Variants in PPP3CB observed in about 807,000 individuals in gnomAD.
PPP3CB encodes serine/threonine-protein phosphatase 2B catalytic subunit beta isoform.
PPP3CB carries 8 observed loss-of-function variants against 66.4 expected under a neutral mutation model. The observed-to-expected ratio is 0.12, with a 90% confidence interval of 0.07 to 0.22. PPP3CB has a LOEUF of 0.22. PPP3CB is among the 10% of genes least tolerant of loss of function. The probability of loss-of-function intolerance (pLI) is 1.00; values close to 1 mark genes in which losing one functional copy is unlikely to be tolerated. For synonymous variants in PPP3CB, 208 were observed against 221.2 expected (o/e 0.94, Z 0.53); for missense variants, 319 against 642.5 (o/e 0.50, Z 5.44).
intron 11 of PPP3CB, among the ~76,000 whole-genome samples, chr10:73,445,504 C>A (rs1212515783): frequency 6.8e-6 from 1 of 146,894 alleles, no homozygotes; most frequent in Admixed American, 6.8e-5. Context: ...TGGAGTGCAG[C>A]GGCACAATCA....
intron 9 of PPP3CB, among the ~76,000 whole-genome samples, chr10:73,463,976 G>T (rs1003385528): frequency 6.6e-6 from 1 of 151,846 alleles, no homozygotes; most frequent in African/African-American, 2.4e-5. Context: ...TGTTGCCCAG[G>T]CTGGAGTGCA....
Position 73,479,321 on chromosome 10 carries a change from G to T in PPP3CB, c.282C>A (p.Ile94=). The change falls in exon 2 of 14, where the codon ATC becomes ATA. Residue 94 remains isoleucine, a synonymous_variant. Coordinates refer to ENST00000360663, the MANE Select transcript of PPP3CB (RefSeq NM_021132.4). ...CCAAAACATGAATAAGCTTACCTGTGATTGGAGCTTCTACTTCTATCATGG... is the reference window on the plus strand; with the variant it reads ...CCAAAACATGAATAAGCTTACCTGTTATTGGAGCTTCTACTTCTATCATGG... ...EKTMIEVEAP[I]TVCGDIHGQF... is the part of the protein sequence containing the mutation. The T allele has an allele frequency of 6.2e-7, 1 of 1,613,442 alleles. No individual in the cohort carries two copies. The highest frequency in any genetic ancestry group is 1.3e-5 in the African/African-American group (1 of 75,046).
chr10:73,450,449 G>T (rs555539451), intron 10 of PPP3CB, among the ~76,000 whole-genome samples: 1 of 152,084 alleles, frequency 6.6e-6, no homozygotes, highest in Non-Finnish European at 1.5e-5. Context: ...GTATCTATCC[G>T]AATCTCCTCC....
At chr10:73,444,587 T>C (rs1239941422) in intron 12 of PPP3CB, 138 bp downstream of exon 12, 4 of 1,552,324 alleles carry the variant, frequency 2.6e-6, no homozygotes, top group Non-Finnish European at 3.5e-6. Context: ...GCTAATACAG[T>C]ACCCTGTCTA....
intron 3 of PPP3CB, 114 bp from the exon 4 acceptor site, chr10:73,475,144 T>C: frequency 7.6e-7 from 1 of 1,323,208 alleles, no homozygotes; most frequent in Non-Finnish European, 9.7e-7. Flanking sequence ...TCTTTCTTTG[T>C]CCCTTACTAA....
intron 9 of PPP3CB, chr10:73,467,162 G>A (rs1167514019): frequency 6.6e-6 from 1 of 152,142 alleles, no homozygotes; most frequent in Non-Finnish European, 1.5e-5. Context: ...TTGCTAAAAT[G>A]AAGGCTACTA....
intron 9 of PPP3CB, among the ~76,000 whole-genome samples, chr10:73,464,134 T>C (rs1224650475): frequency 6.6e-6 from 1 of 152,138 alleles, no homozygotes; most frequent in African/African-American, 2.4e-5. Context: ...TTCACCATCG[T>C]GGCCAGGTGG....
chr10:73,451,065 T>G (rs890084774), intron 10 of PPP3CB, among the ~76,000 whole-genome samples: 1 of 152,122 alleles, frequency 6.6e-6, no homozygotes, highest in Non-Finnish European at 1.5e-5. Flanking sequence ...ATATAAATCA[T>G]AGGTACCTAA....
In PPP3CB at chr10:73,479,397, A is replaced by G. The variant is rs764624100; in HGVS notation, c.206T>C (p.Ile69Thr). ...LVKEGRVDEE[I>T]ALRIINEGAA... ...ACCCTCATTGATAATTCTAAGCGCAATTTCTTCATCTACTCGACCTTCTTT... is the reference window on the plus strand; with the variant it reads ...ACCCTCATTGATAATTCTAAGCGCAGTTTCTTCATCTACTCGACCTTCTTT... Residue 69 changes from isoleucine (I) to threonine (T), a missense_variant, in exon 2 of 14, where the codon ATT (isoleucine) becomes ACT (threonine). Transcript: ENST00000360663. 2 of 1,614,084 alleles carry G rather than the reference A, an allele frequency of 1.2e-6. No homozygotes were observed. Among genetic ancestry groups the G allele is most frequent in the South Asian group, 2.2e-5 (2 of 91,086 alleles).
chr10:73,477,931 A>C (rs945084368), intron 3 of PPP3CB, among the ~76,000 whole-genome samples: 2 of 152,154 alleles, frequency 1.3e-5, no homozygotes, highest in African/African-American at 4.8e-5. Context: ...AAAAAGAAAA[A>C]GAAAAGAGAA....
At chr10:73,485,934 G>A (rs993842324) in intron 1 of PPP3CB, among the ~76,000 whole-genome samples, 6 of 125,658 alleles carry the variant, frequency 4.8e-5, no homozygotes, top group African/African-American at 2.1e-4. Context: ...GTGTGTGTGT[G>A]TGTGTGTGTG....
At chr10:73,485,780 G>A (rs548301030) in intron 1 of PPP3CB, among the ~76,000 whole-genome samples, 5 of 151,904 alleles carry the variant, frequency 3.3e-5, no homozygotes, top group South Asian at 2.1e-4. Flanking sequence ...TCGCATCGTC[G>A]CCGGGGCTGG....
intron 11 of PPP3CB, among the ~76,000 whole-genome samples, chr10:73,445,879 G>A (rs986069016): frequency 6.6e-6 from 1 of 151,880 alleles, no homozygotes; most frequent in South Asian, 2.1e-4. Flanking sequence ...CTCCCGAGTA[G>A]CTGGGACTAC....
In PPP3CB at chr10:73,469,555, TG is replaced by T. The variant is rs1263399318; in HGVS notation, c.982+1131del. Among the ~76,000 whole-genome samples the T allele has an allele frequency of 2.6e-5, 4 of 152,182 alleles. No individual in the cohort carries two copies. The East Asian group carries it at 7.7e-4, about 29-fold the overall frequency. On this transcript the variant is annotated intron_variant, in intron 8 of 13. Transcript: ENST00000360663. ...AGACCCTGTCTAGAGAGAGAAAGAA[TG>T]GAATCAAAACTTAGATATGTTTCTT...
chr10:73,485,908 T>TAG (rs2056964369), intron 1 of PPP3CB, among the ~76,000 whole-genome samples: 1 of 121,290 alleles, frequency 8.2e-6, no homozygotes, highest in African/African-American at 3.1e-5. Context: ...ACCTGGCTAA[T>TAG]TGTGTGTGTG....
intron 1 of PPP3CB, among the ~76,000 whole-genome samples, chr10:73,484,312 C>T (rs539420974): frequency 1.1e-4 from 16 of 152,072 alleles, no homozygotes; most frequent in African/African-American, 3.9e-4. Context: ...CTCTGTTGCC[C>T]AGGCTGGAGT....
chr10:73,485,557 T>C (rs946658441), intron 1 of PPP3CB, among the ~76,000 whole-genome samples: 7 of 152,236 alleles, frequency 4.6e-5, no homozygotes, highest in Non-Finnish European at 8.8e-5. Context: ...CTTCCCATCA[T>C]TGCCATCCTT....
chr10:73,490,426 A>C (rs906559556), intron 1 of PPP3CB, among the ~76,000 whole-genome samples: 26 of 152,342 alleles, frequency 1.7e-4, no homozygotes, highest in Admixed American at 3.3e-4. Flanking sequence ...GCAGACATTT[A>C]ATAAATATTT....
At chr10:73,458,343 G>T (rs1439664561) in intron 9 of PPP3CB, among the ~76,000 whole-genome samples, 1 of 151,970 alleles carries the variant, frequency 6.6e-6, no homozygotes, top group Non-Finnish European at 1.5e-5. Context: ...CACCATGTTG[G>T]CCAGGCTGGT....
Sources: gnomAD v4.1 joint callset for allele counts (sites outside exome capture counted in the v4.1 genomes callset) on GRCh38, gnomAD v4.1.1 for gene constraint, MANE v1.5 for transcripts, NCBI Gene and HGNC (gene_info 2026-07-23, HGNC 2026-07-21) for gene names.